ALPK1: variants seen among roughly 807,000 people sequenced by gnomAD.
ALPK1 encodes the protein alpha-protein kinase 1.
A neutral mutation model predicts 120.6 loss-of-function variants in ALPK1; 110 were observed. The ratio of observed to expected loss-of-function variants is 0.91; its 90% CI spans 0.78 to 1.07. ALPK1 has a LOEUF of 1.07. Among genes scored for constraint, ALPK1 ranks in the 50% least tolerant of loss-of-function variants. ALPK1 has a pLI of 0.00. For synonymous variants in ALPK1, 582 were observed against 560.3 expected (o/e 1.04, Z -0.55); for missense variants, 1,498 against 1,483.9 (o/e 1.01, Z -0.16).
At chr4:112,306,445 C>A (rs1439556476) in intron 1 of ALPK1, among the ~76,000 whole-genome samples, 10 of 152,106 alleles carry the variant, frequency 6.6e-5, no homozygotes, top group Admixed American at 5.2e-4. Flanking sequence ...TTGGTCAATT[C>A]AGGGATTCAA....
intron 2 of ALPK1, among the ~76,000 whole-genome samples, chr4:112,322,803 T>C (rs1307697158): frequency 6.6e-6 from 1 of 152,248 alleles, no homozygotes; most frequent in Non-Finnish European, 1.5e-5. Context: ...TACCCATTTA[T>C]GTCATTTATT....
intron 1 of ALPK1, among the ~76,000 whole-genome samples, chr4:112,306,861 C>T (rs1476195502): frequency 6.6e-6 from 1 of 152,116 alleles, no homozygotes; most frequent in Non-Finnish European, 1.5e-5. Flanking sequence ...AATTTAAGAT[C>T]TTTCCTGCTT....
chr4:112,360,120 T>C (rs1730846758), intron 2 of ALPK1, among the ~76,000 whole-genome samples: 1 of 152,164 alleles, frequency 6.6e-6, no homozygotes, highest in South Asian at 2.1e-4. Flanking sequence ...TACTGCTCTA[T>C]GTTTCTATGA....
At chr4:112,314,426 G>A (rs576878236) in intron 1 of ALPK1, among the ~76,000 whole-genome samples, 4 of 152,260 alleles carry the variant, frequency 2.6e-5, no homozygotes, top group East Asian at 1.9e-4. Context: ...AGAGAGATTC[G>A]TGAATTTGAA....
At chr4:112,411,785 G>T (rs770738508) in intron 4 of ALPK1, 42 bp from the exon 5 acceptor site, 5 of 1,565,996 alleles carry the variant, frequency 3.2e-6, no homozygotes, top group Non-Finnish European at 4.3e-6. Flanking sequence ...CAGCCTGCCA[G>T]CGTTTCCGCC....
chr4:112,349,551 G>GCCCCCCCC (rs10625139), intron 2 of ALPK1, among the ~76,000 whole-genome samples: 57 of 103,728 alleles, frequency 5.5e-4, no homozygotes, highest in Non-Finnish European at 6.4e-4. Flanking sequence ...CCCAACCCCT[G>GCCCCCCCC]CCCCCCCCCG....
intron 4 of ALPK1, among the ~76,000 whole-genome samples, chr4:112,405,170 C>T (rs1272512868): frequency 6.6e-6 from 1 of 152,218 alleles, no homozygotes; most frequent in Non-Finnish European, 1.5e-5. Context: ...TGTGAACTCA[C>T]TACCTGGGCC....
chr4:112,316,646 T>C (rs992133425), intron 2 of ALPK1, among the ~76,000 whole-genome samples: 2 of 152,196 alleles, frequency 1.3e-5, no homozygotes, highest in African/African-American at 4.8e-5. Context: ...TATTTTCTGA[T>C]TTTTTCATGG....
At chr4:112,331,533 C>T (rs1017997495) in intron 2 of ALPK1, among the ~76,000 whole-genome samples, 4 of 152,186 alleles carry the variant, frequency 2.6e-5, no homozygotes, top group Non-Finnish European at 5.9e-5. Context: ...CACTCAAAGT[C>T]TGTTTATTGG....
At chr4:112,396,111 T>C (rs1732639058) in intron 4 of ALPK1, among the ~76,000 whole-genome samples, 1 of 152,232 alleles carries the variant, frequency 6.6e-6, no homozygotes, top group Admixed American at 6.5e-5. Context: ...TTGTAAAATA[T>C]GTGATATTTT....
At chr4:112,405,979 C>T (rs912026320) in intron 4 of ALPK1, among the ~76,000 whole-genome samples, 1 of 151,958 alleles carries the variant, frequency 6.6e-6, no homozygotes, top group African/African-American at 2.4e-5. Flanking sequence ...AGTTGTGTTC[C>T]TAAGTATTGG....
At chr4:112,382,324 T>G in intron 3 of ALPK1, 74 bp from the exon 4 acceptor site, 2 of 1,209,648 alleles carry the variant, frequency 1.7e-6, no homozygotes, top group Non-Finnish European at 1.2e-6. Flanking sequence ...ACTGAGGTGC[T>G]TCATCATAAC....
At chr4:112,332,106 G>A (rs1394223297) in intron 2 of ALPK1, among the ~76,000 whole-genome samples, 4 of 152,146 alleles carry the variant, frequency 2.6e-5, no homozygotes, top group Non-Finnish European at 5.9e-5. Context: ...ATTTGCCACA[G>A]TCACTCACTC....
chr4:112,349,551 G>GCCCCCCCCCCCCCCC (rs10625139), intron 2 of ALPK1, among the ~76,000 whole-genome samples: 4 of 103,714 alleles, frequency 3.9e-5, no homozygotes, highest in African/African-American at 1.2e-4. Flanking sequence ...CCCAACCCCT[G>GCCCCCCCCCCCCCCC]CCCCCCCCCG....
At chr4:112,300,151 A>G (rs1398330095) in intron 1 of ALPK1, among the ~76,000 whole-genome samples, 1 of 152,204 alleles carries the variant, frequency 6.6e-6, no homozygotes, top group Non-Finnish European at 1.5e-5. Flanking sequence ...CTGTACCCAT[A>G]AAACATGATA....
At chr4:112,386,114 T>C (rs1236192314) in intron 4 of ALPK1, among the ~76,000 whole-genome samples, 3 of 152,232 alleles carry the variant, frequency 2.0e-5, no homozygotes, top group African/African-American at 7.2e-5. Context: ...TGTTATTCTC[T>C]TGGGCTGAAC....
At chr4:112,347,519 T>C (rs1338911180) in intron 2 of ALPK1, among the ~76,000 whole-genome samples, 1 of 152,254 alleles carries the variant, frequency 6.6e-6, no homozygotes, top group Non-Finnish European at 1.5e-5. Flanking sequence ...GAATGAATTC[T>C]CCAACTTTCC....
At chr4:112,412,243 G>A (rs1035599901) in intron 5 of ALPK1, among the ~76,000 whole-genome samples, 6 of 151,974 alleles carry the variant, frequency 3.9e-5, no homozygotes, top group Admixed American at 6.6e-5. Context: ...AAAAGCAGTA[G>A]AGAAAATTGT....
chr4:112,342,961 T>C (rs747579660), intron 2 of ALPK1: 5 of 152,494 alleles, frequency 3.3e-5, no homozygotes, highest in Non-Finnish European at 7.3e-5. Flanking sequence ...TGATTCCTCC[T>C]GGTACAGAAC....
Sources: allele counts gnomAD v4.1 joint callset (sites outside exome capture counted in the v4.1 genomes callset), GRCh38; gene constraint gnomAD v4.1.1; transcripts MANE v1.5; gene names NCBI Gene and HGNC (gene_info 2026-07-23, HGNC 2026-07-21).